Variants in SKIC2 observed in about 807,000 individuals in gnomAD.
The protein encoded by SKIC2 is superkiller complex protein 2.
chr6:31,968,912 G>A, the SKIC2 span: 1 of 1,613,022 alleles, frequency 6.2e-7, no homozygotes, highest in South Asian at 1.1e-5. This position sits in a 1 kb window ranked among gnomAD's most constrained non-coding sequence, Gnocchi z 6.1. Context: ...CGGGCACTGT[G>A]AAGCTGGCAG....
chr6:31,966,804 G>A, the SKIC2 span: 1 of 1,614,216 alleles, frequency 6.2e-7, no homozygotes. The surrounding 1 kb of genome is among the most constrained non-coding windows in gnomAD (Gnocchi z 5.9). Context: ...AGGACATGAT[G>A]AAGAGGAGCT....
chr6:31,960,817 G>A, the SKIC2 span: 1 of 1,160,774 alleles, frequency 8.6e-7, no homozygotes, highest in East Asian at 2.3e-5. Flanking sequence ...GCCCTCCCAT[G>A]TTTTTGAGAA....
the SKIC2 span, chr6:31,969,040 G>C: frequency 6.2e-7 from 1 of 1,612,406 alleles, no homozygotes; most frequent in South Asian, 1.1e-5. This position sits in a 1 kb window ranked among gnomAD's most constrained non-coding sequence, Gnocchi z 6.1. Context: ...GGCCTGGTCT[G>C]CCAGAGCCCT....
At chr6:31,962,293 C>A in the SKIC2 span, 1 of 997,468 alleles carries the variant, frequency 1.0e-6, no homozygotes, top group Non-Finnish European at 1.6e-6. This position sits in a 1 kb window ranked among gnomAD's most constrained non-coding sequence, Gnocchi z 5.0. Context: ...GGGGTTATAT[C>A]ATGCAGGAGA....
At chr6:31,961,976 T>C in the SKIC2 span, 1 of 1,612,916 alleles carries the variant, frequency 6.2e-7, no homozygotes, top group African/African-American at 1.3e-5. Context: ...GACTCTGTCT[T>C]TGTCGCAGCT....
chr6:31,966,118 C>T, the SKIC2 span: 1 of 785,768 alleles, frequency 1.3e-6, no homozygotes, highest in Non-Finnish European at 2.0e-6. The surrounding 1 kb of genome is among the most constrained non-coding windows in gnomAD (Gnocchi z 5.9). Context: ...TTTTTGGAGA[C>T]AGGGTCTTGC....
chr6:31,969,421 G>T, the SKIC2 span: 5 of 1,614,046 alleles, frequency 3.1e-6, no homozygotes, highest in African/African-American at 6.7e-5. This position sits in a 1 kb window ranked among gnomAD's most constrained non-coding sequence, Gnocchi z 6.1. Context: ...CCGGGGCATG[G>T]TGAGTACCTG....
At chr6:31,964,385 C>T in the SKIC2 span, 10 of 1,499,232 alleles carry the variant, frequency 6.7e-6, no homozygotes, top group Non-Finnish European at 9.2e-6. This position sits in a 1 kb window ranked among gnomAD's most constrained non-coding sequence, Gnocchi z 5.0. Flanking sequence ...GTGCTTGTTG[C>T]CCACTTAGGG....
At chr6:31,962,450 C>A in the SKIC2 span, 5 of 1,614,020 alleles carry the variant, frequency 3.1e-6, no homozygotes, top group Non-Finnish European at 4.2e-6. This position sits in a 1 kb window ranked among gnomAD's most constrained non-coding sequence, Gnocchi z 5.0. Flanking sequence ...ACCATCTACA[C>A]TTCGCCCATC....
chr6:31,967,735 C>A, the SKIC2 span: 1 of 1,612,942 alleles, frequency 6.2e-7, no homozygotes. This position sits in a 1 kb window ranked among gnomAD's most constrained non-coding sequence, Gnocchi z 4.9. Flanking sequence ...ACTCCACCAG[C>A]AGAGTATTCA....
At chr6:31,966,971 C>T in the SKIC2 span, 1 of 1,613,084 alleles carries the variant, frequency 6.2e-7, no homozygotes, top group East Asian at 2.2e-5. The surrounding 1 kb of genome is among the most constrained non-coding windows in gnomAD (Gnocchi z 5.9). Context: ...CCTGGAGACT[C>T]CCCTTTCACA....
the SKIC2 span, chr6:31,960,689 A>G: frequency 6.3e-7 from 1 of 1,585,878 alleles, no homozygotes; most frequent in Admixed American, 1.8e-5. Flanking sequence ...ACCCACCATA[A>G]CAGATCTGAA....
At chr6:31,959,854 G>A in the SKIC2 span, 2 of 620,746 alleles carry the variant, frequency 3.2e-6, no homozygotes, top group East Asian at 2.8e-5. Context: ...TCTGCCCCAG[G>A]TAATTCAGTA....
the SKIC2 span, chr6:31,962,027 T>C: frequency 9.3e-6 from 15 of 1,612,908 alleles, no homozygotes; most frequent in Non-Finnish European, 1.3e-5. This position sits in a 1 kb window ranked among gnomAD's most constrained non-coding sequence, Gnocchi z 5.0. Context: ...GAATATGCCA[T>C]TGCCCTGGCC....
At chr6:31,968,911 T>C in the SKIC2 span, 1 of 1,612,968 alleles carries the variant, frequency 6.2e-7, no homozygotes, top group South Asian at 1.1e-5. The surrounding 1 kb of genome is among the most constrained non-coding windows in gnomAD (Gnocchi z 6.1). Context: ...GCGGGCACTG[T>C]GAAGCTGGCA....
chr6:31,966,854 G>A, the SKIC2 span: 4 of 1,614,066 alleles, frequency 2.5e-6, no homozygotes, highest in African/African-American at 5.3e-5. This position sits in a 1 kb window ranked among gnomAD's most constrained non-coding sequence, Gnocchi z 5.9. Context: ...AAGGTAAGGA[G>A]CCTGGGGTAA....
the SKIC2 span, chr6:31,969,100 C>T: frequency 4.4e-6 from 7 of 1,605,232 alleles, no homozygotes; most frequent in East Asian, 2.2e-5. The surrounding 1 kb of genome is among the most constrained non-coding windows in gnomAD (Gnocchi z 6.1). Context: ...GTAGGGGACA[C>T]CACCCCTTTC....
At chr6:31,962,882 C>G in the SKIC2 span, 1 of 1,301,060 alleles carries the variant, frequency 7.7e-7, no homozygotes, top group Non-Finnish European at 1.1e-6. The surrounding 1 kb of genome is among the most constrained non-coding windows in gnomAD (Gnocchi z 5.0). Context: ...ACACTCAGGG[C>G]CCCTTACTGC....
the SKIC2 span, chr6:31,960,866 G>A: frequency 2.2e-6 from 2 of 912,212 alleles, no homozygotes; most frequent in Non-Finnish European, 3.4e-6. Flanking sequence ...AACCTTTACT[G>A]TCATCTGCTG....
Sources: allele counts gnomAD v4.1 joint callset, GRCh38; gene constraint gnomAD v4.1.1; non-coding constraint Gnocchi (gnomAD v3.1); transcripts MANE v1.5; gene names NCBI Gene and HGNC (gene_info 2026-07-23, HGNC 2026-07-21).